Variants in SLC1A4 observed in about 807,000 individuals in gnomAD.
SLC1A4 encodes solute carrier family 1 member 4, also known as neutral amino acid transporter A.
SLC1A4 carries 19 observed loss-of-function variants against 37.7 expected under a neutral mutation model. The ratio of observed to expected loss-of-function variants is 0.50; its 90% confidence interval spans 0.35 to 0.74. The LOEUF (loss-of-function observed/expected upper bound fraction) is 0.74, where lower values mean the gene tolerates loss of function less well. SLC1A4 is among the 30% of genes least tolerant of loss of function. The probability of loss-of-function intolerance (pLI) is 0.01; values close to 1 mark genes in which losing one functional copy is unlikely to be tolerated. For synonymous variants in SLC1A4, 299 were observed against 309.8 expected, an observed-to-expected ratio of 0.97 and a Z score of 0.37; for missense variants, 570 against 712.9, an observed-to-expected ratio of 0.80 and a Z score of 2.28.
At chr2:65,001,419 T>C in intron 1 of SLC1A4, 29 bp from the exon 2 acceptor site, 1 of 1,610,414 alleles carries the variant, frequency 6.2e-7, no homozygotes, top group Non-Finnish European at 8.5e-7. Context: ...TTTAAAAGAA[T>C]ACTGACAGAA....
At chr2:64,993,424 A>T (rs1017878042) in intron 1 of SLC1A4, among the ~76,000 whole-genome samples, 4 of 152,196 alleles carry the variant, frequency 2.6e-5, no homozygotes, top group African/African-American at 9.7e-5. Flanking sequence ...CCAGCACACA[A>T]TGGGTTAGAA....
Position 65,010,725 on chromosome 2 carries a change from C to T in SLC1A4, c.762C>T (p.Leu254=). The T allele has an allele frequency of 6.2e-7, 1 of 1,614,046 alleles. No homozygotes were observed. The highest frequency in any genetic ancestry group is 1.7e-4 in the Middle Eastern group (1 of 6,052). The change falls in exon 4 of 8, where the codon CTC becomes CTT. Residue 254 remains leucine (L), a synonymous_variant. Coordinates refer to ENST00000234256, the MANE Select transcript of SLC1A4 (RefSeq NM_003038.5). ...ACCTCATCCGTTTCTTCAATTCCCT[C>T]AACGAGGCGACGATGGTGCTGGTGT... ...GEDLIRFFNS[L]NEATMVLVSW... is the part of the protein sequence containing the mutation.
intron 4 of SLC1A4, among the ~76,000 whole-genome samples, chr2:65,013,217 T>C (rs1250809409): frequency 1.3e-5 from 2 of 151,950 alleles, no homozygotes; most frequent in African/African-American, 2.4e-5. Flanking sequence ...ACATTTGCAT[T>C]TTGTTTTGTT....
At chr2:64,998,110 G>A (rs1055293588) in intron 1 of SLC1A4, among the ~76,000 whole-genome samples, 16 of 152,132 alleles carry the variant, frequency 1.1e-4, no homozygotes, top group African/African-American at 3.4e-4. Context: ...GGTGGCGGGC[G>A]CCTGTAGTCC....
chr2:64,989,897 T>A lies in SLC1A4; in HGVS notation c.254T>A (p.Met85Lys). ...TTCCCCGGCGAGATGCTGCTCCGCA[T>A]GCTGCGCATGATCATCCTGCCGCTG... is the stretch of plus-strand genomic sequence containing the variant. ...LAFPGEMLLR[M>K]LRMIILPLVV... Residue 85 changes from methionine (M) to lysine (K), a missense_variant, in exon 1 of 8, where the codon ATG (methionine) becomes AAG (lysine). Met to Lys is a moderately conservative substitution (Grantham distance 95). Coordinates refer to ENST00000234256, the MANE Select transcript of SLC1A4 (RefSeq NM_003038.5). The A allele has an allele frequency of 6.4e-7, 1 of 1,552,834 alleles. No homozygotes were observed. Among genetic ancestry groups the A allele is most frequent in the Non-Finnish European group, 8.7e-7 (1 of 1,152,514 alleles).
intron 4 of SLC1A4, among the ~76,000 whole-genome samples, chr2:65,013,076 G>A (rs1673981604): frequency 6.6e-6 from 1 of 152,176 alleles, no homozygotes; most frequent in Non-Finnish European, 1.5e-5. Context: ...AGGTGAAGGG[G>A]AAGCAGGCAT....
At chr2:64,996,371 A>T (rs574017892) in intron 1 of SLC1A4, among the ~76,000 whole-genome samples, 1 of 152,356 alleles carries the variant, frequency 6.6e-6, no homozygotes, top group South Asian at 2.1e-4. Flanking sequence ...ATACATATGT[A>T]ATTCAAGTAG....
rs74769887 is a variant in SLC1A4 at position 65,023,319 on chromosome 2, A to G, written c.*2173A>G. ...CACACATATGTATATCTATACACAC[A>G]TGTGTGTTGTGTATATGCATGTGTG... On this transcript the variant is annotated 3_prime_UTR_variant, in exon 8 of 8. Transcript: ENST00000234256. 0.059 allele frequency: 8,853 copies of G among 151,294 alleles called. 344 individuals are homozygous for G. Among genetic ancestry groups the G allele is most frequent in the Non-Finnish European group, 0.085 (5,742 of 67,694 alleles). 9.4% of individuals were successfully genotyped at this position (151,294 alleles called of 1,614,324 possible).
intron 1 of SLC1A4, among the ~76,000 whole-genome samples, chr2:64,997,819 G>A (rs913451598): frequency 7.3e-5 from 11 of 151,720 alleles, no homozygotes; most frequent in African/African-American, 2.7e-4. Context: ...ATCTAGGAGT[G>A]GGCCGGGCGT....
chr2:65,002,369 G>GT (rs572423045), intron 2 of SLC1A4, among the ~76,000 whole-genome samples: 66 of 149,690 alleles, frequency 4.4e-4, no homozygotes, highest in East Asian at 3.1e-3. Context: ...ATAGCCTGCT[G>GT]TTTTTTTTTA....
In SLC1A4 at chr2:65,016,441, T is replaced by G; in HGVS notation, c.802T>G (p.Tyr268Asp). Residue 268 changes from tyrosine to aspartate, a missense_variant and splice_region_variant, in exon 5 of 8, where the codon TAC (tyrosine) becomes GAC (aspartate). Coordinates refer to ENST00000234256, the MANE Select transcript of SLC1A4 (RefSeq NM_003038.5). The part of the protein sequence containing the change: ...TMVLVSWIMW[Y>D]VPVGIMFLVG... ...GAGTACCCTGTGCTTGTGCCCTAGG[T>G]ACGTACCTGTGGGCATCATGTTCCT... 6.2e-7 allele frequency: 1 copy of G among 1,613,474 alleles called. No homozygotes were observed. Among genetic ancestry groups the G allele is most frequent in the Non-Finnish European group, 8.5e-7 (1 of 1,179,404 alleles).
intron 1 of SLC1A4, among the ~76,000 whole-genome samples, chr2:64,993,777 A>T (rs1673148959): frequency 6.6e-6 from 1 of 152,182 alleles, no homozygotes; most frequent in Non-Finnish European, 1.5e-5. Context: ...CATCTTTATT[A>T]TGGGAATCAT....
chr2:65,010,621 G>C lies in SLC1A4; in HGVS notation c.658G>C (p.Gly220Arg), dbSNP rs1267029512. The change falls in exon 4 of 8, where the codon GGG (glycine) becomes CGG (arginine). Residue 220 changes from glycine to arginine, a missense_variant. Physicochemically the swap from Gly to Arg is moderately radical, Grantham distance 125. Coordinates refer to ENST00000234256, the MANE Select transcript of SLC1A4 (RefSeq NM_003038.5). ...EKIPIGTEIE[G>R]MNILGLVLFA... Reference sequence around the variant, plus strand: ...GATCCCCATAGGCACTGAGATAGAAGGGATGAACATTTTAGGATTGGTCCT... The same window carrying C: ...GATCCCCATAGGCACTGAGATAGAACGGATGAACATTTTAGGATTGGTCCT... 6.2e-7 allele frequency: 1 copy of C among 1,612,874 alleles called. No homozygotes were observed. The highest frequency in any genetic ancestry group is 8.5e-7 in the Non-Finnish European group (1 of 1,179,490).
intron 4 of SLC1A4, among the ~76,000 whole-genome samples, chr2:65,013,277 C>T (rs1673994330): frequency 6.6e-6 from 1 of 152,224 alleles, no homozygotes; most frequent in African/African-American, 2.4e-5. Flanking sequence ...GGCTGCAGTG[C>T]AGTGGCACAA....
At chr2:65,014,814 C>T (rs1390979716) in intron 4 of SLC1A4, among the ~76,000 whole-genome samples, 3 of 152,174 alleles carry the variant, frequency 2.0e-5, no homozygotes, top group East Asian at 1.9e-4. Flanking sequence ...TCGTTTGTAA[C>T]GATAAACCTG....
At chr2:64,997,609 T>A (rs1673305738) in intron 1 of SLC1A4, among the ~76,000 whole-genome samples, 1 of 152,222 alleles carries the variant, frequency 6.6e-6, no homozygotes, top group South Asian at 2.1e-4. Context: ...CAGCACAGTG[T>A]TGCTGAGATT....
At chr2:64,990,248 C>A in intron 1 of SLC1A4, 78 bp downstream of exon 1, 1 of 1,270,476 alleles carries the variant, frequency 7.9e-7, no homozygotes, top group Non-Finnish European at 1.1e-6. Flanking sequence ...CACCCATATG[C>A]TTATACACTC....
chr2:65,019,817 G>T (rs1162317767), intron 7 of SLC1A4, among the ~76,000 whole-genome samples: 2 of 152,174 alleles, frequency 1.3e-5, no homozygotes, highest in Non-Finnish European at 2.9e-5. Flanking sequence ...CATCAAAGAG[G>T]TGCTTGGCCA....
intron 1 of SLC1A4, among the ~76,000 whole-genome samples, chr2:64,994,379 C>T (rs1161950509): frequency 6.6e-6 from 1 of 152,254 alleles, no homozygotes; most frequent in Non-Finnish European, 1.5e-5. Context: ...GGTGTAACTG[C>T]CAAGGAGGCA....
Sources: allele counts gnomAD v4.1 joint callset (sites outside exome capture counted in the v4.1 genomes callset), GRCh38; gene constraint gnomAD v4.1.1; transcripts MANE v1.5; gene names NCBI Gene and HGNC (gene_info 2026-07-23, HGNC 2026-07-21).